Variants in DDC observed in about 807,000 individuals in gnomAD.
DDC encodes the protein aromatic-L-amino-acid decarboxylase.
DDC carries 43 observed loss-of-function variants against 60.0 expected under a neutral mutation model. The ratio of observed to expected loss-of-function variants is 0.72; its 90% CI spans 0.56 to 0.92. The LOEUF is 0.92. Ranked by LOEUF, DDC falls within the 40% of genes least tolerant of loss-of-function variation. The pLI is 0.00. For missense variants in DDC, 573 were observed against 620.2 expected, an observed-to-expected ratio of 0.92 and a Z score of 0.81; for synonymous variants, 232 against 234.6, an observed-to-expected ratio of 0.99 and a Z score of 0.10.
At chr7:50,496,563 G>A (rs768225262) in intron 8 of DDC, among the ~76,000 whole-genome samples, 4 of 152,058 alleles carry the variant, frequency 2.6e-5, no homozygotes, top group Non-Finnish European at 2.9e-5. Context: ...TGGCAGAGGA[G>A]GACACTCTGC....
At chr7:50,554,432 G>A (rs1245884522) in intron 1 of DDC, among the ~76,000 whole-genome samples, 1 of 152,136 alleles carries the variant, frequency 6.6e-6, no homozygotes, top group Non-Finnish European at 1.5e-5. Context: ...TATTAACTGG[G>A]CAGAAGTGGC....
intron 9 of DDC, among the ~76,000 whole-genome samples, chr7:50,484,370 T>C (rs1445062993): frequency 6.6e-6 from 1 of 152,258 alleles, no homozygotes; most frequent in Non-Finnish European, 1.5e-5. Context: ...GATACTTAGC[T>C]TATGATTTTC....
intron 13 of DDC, among the ~76,000 whole-genome samples, chr7:50,466,113 A>G (rs1585134074): frequency 6.6e-6 from 1 of 152,286 alleles, no homozygotes; most frequent in African/African-American, 2.4e-5. Context: ...AATGACACTG[A>G]CCCCAGCCTG....
intron 9 of DDC, chr7:50,492,879 T>C (rs2043034197): frequency 6.3e-7 from 1 of 1,585,564 alleles, no homozygotes; most frequent in Non-Finnish European, 8.5e-7. Context: ...CTGCAGCGTC[T>C]GCGGCAGCCT....
chr7:50,527,800 G>T (rs188406599), intron 6 of DDC: 20 of 287,836 alleles, frequency 6.9e-5, no homozygotes, highest in Admixed American at 5.3e-4. Context: ...CTTGCTCTGC[G>T]TGCTAACTTT....
At chr7:50,556,758 C>A (rs1450078234) in intron 1 of DDC, among the ~76,000 whole-genome samples, 2 of 152,160 alleles carry the variant, frequency 1.3e-5, no homozygotes, top group South Asian at 2.1e-4. Flanking sequence ...GCCTCCTTGG[C>A]GAGATTGGTC....
At chr7:50,529,656 C>T (rs971540731) in intron 4 of DDC, among the ~76,000 whole-genome samples, 3 of 152,262 alleles carry the variant, frequency 2.0e-5, no homozygotes, top group Admixed American at 6.5e-5. Flanking sequence ...TGGCCTAGGA[C>T]GACTGCTCCT....
intron 6 of DDC, among the ~76,000 whole-genome samples, chr7:50,509,707 C>A (rs538278223): frequency 6.6e-6 from 1 of 152,222 alleles, no homozygotes; most frequent in Non-Finnish European, 1.5e-5. Flanking sequence ...TATTACTTGG[C>A]ACTTCCAGCA....
intron 6 of DDC, among the ~76,000 whole-genome samples, chr7:50,517,110 A>G (rs2043754763): frequency 6.6e-6 from 1 of 152,234 alleles, no homozygotes; most frequent in African/African-American, 2.4e-5. Context: ...AGGAAAGGAC[A>G]TAACCAAAAA....
chr7:50,493,565 C>T (rs2043056530), intron 9 of DDC, among the ~76,000 whole-genome samples: 1 of 152,166 alleles, frequency 6.6e-6, no homozygotes, highest in Admixed American at 6.5e-5. Context: ...GGACCTCTGG[C>T]ACACGGTGCA....
chr7:50,558,410 C>T (rs1228816161), intron 1 of DDC, among the ~76,000 whole-genome samples: 1 of 152,122 alleles, frequency 6.6e-6, no homozygotes, highest in African/African-American at 2.4e-5. Context: ...TTCCCTATTC[C>T]TCATATTGAA....
chr7:50,524,126 C>G (rs2043974999), intron 6 of DDC, among the ~76,000 whole-genome samples: 1 of 152,076 alleles, frequency 6.6e-6, no homozygotes, highest in Non-Finnish European at 1.5e-5. Flanking sequence ...ATGGAGACAG[C>G]CAAAAAGATT....
chr7:50,534,046 C>T (rs1006644325), intron 4 of DDC, among the ~76,000 whole-genome samples: 3 of 152,228 alleles, frequency 2.0e-5, no homozygotes, highest in African/African-American at 7.2e-5. Flanking sequence ...AAACCTGGAG[C>T]AAACACAACC....
chr7:50,519,953 AAAAC>A (rs3071964), intron 6 of DDC, among the ~76,000 whole-genome samples: 1 of 151,264 alleles, frequency 6.6e-6, no homozygotes, highest in African/African-American at 2.4e-5. Context: ...AATCAAAACC[AAAAC>A]AAACAAACAA....
intron 6 of DDC, among the ~76,000 whole-genome samples, chr7:50,524,168 G>C (rs1462537587): frequency 1.3e-5 from 2 of 152,198 alleles, no homozygotes; most frequent in African/African-American, 2.4e-5. Flanking sequence ...TGGAGGGAGA[G>C]AGGGATAAAC....
chr7:50,517,506 G>T (rs961294268), intron 6 of DDC, among the ~76,000 whole-genome samples: 2 of 152,084 alleles, frequency 1.3e-5, no homozygotes, highest in Admixed American at 6.6e-5. Flanking sequence ...TTCCCTCTGA[G>T]AACTGGAACA....
intron 8 of DDC, among the ~76,000 whole-genome samples, chr7:50,498,868 C>T (rs986173700): frequency 1.3e-5 from 2 of 152,246 alleles, no homozygotes; most frequent in South Asian, 4.1e-4. Flanking sequence ...TATTTTGTTC[C>T]TACTTTCCCA....
At chr7:50,507,847 A>G (rs2043443124) in intron 6 of DDC, among the ~76,000 whole-genome samples, 1 of 152,096 alleles carries the variant, frequency 6.6e-6, no homozygotes, top group African/African-American at 2.4e-5. Flanking sequence ...AGCCTTTCCT[A>G]TATGATATTT....
chr7:50,534,381 G>A (rs1006960367), intron 4 of DDC, among the ~76,000 whole-genome samples: 1 of 152,176 alleles, frequency 6.6e-6, no homozygotes, highest in Non-Finnish European at 1.5e-5. Flanking sequence ...TGGATCACCT[G>A]AGGTCAGGAG....
Sources: gnomAD v4.1 joint callset for allele counts (sites outside exome capture counted in the v4.1 genomes callset) on GRCh38, gnomAD v4.1.1 for gene constraint, MANE v1.5 for transcripts, NCBI Gene and HGNC (gene_info 2026-07-23, HGNC 2026-07-21) for gene names.